The following ANKS1B variants were observed in gnomAD, a reference collection of about 807,000 sequenced individuals.
ANKS1B encodes ankyrin repeat and sterile alpha motif domain containing 1B.
In ANKS1B, 36 loss-of-function variants were observed where a neutral mutation model predicts 148.3. The observed-to-expected ratio is 0.24, with a 90% CI of 0.19 to 0.32. The LOEUF (loss-of-function observed/expected upper bound fraction) is 0.32, where lower values mean the gene tolerates loss of function less well. ANKS1B is among the 10% of genes least tolerant of loss of function. The pLI is 1.00. For synonymous variants in ANKS1B, 542 were observed against 560.8 expected, an observed-to-expected ratio of 0.97 and a Z score of 0.47; for missense variants, 1,157 against 1,542.6, an observed-to-expected ratio of 0.75 and a Z score of 4.19.
chr12:99,340,965 T>G (rs2089817848), intron 12 of ANKS1B, among the ~76,000 whole-genome samples: 1 of 152,154 alleles, frequency 6.6e-6, no homozygotes, highest in Non-Finnish European at 1.5e-5. Flanking sequence ...ATTAGCAACT[T>G]AATCGAGCGC....
chr12:99,114,003 A>G (rs1042101251), intron 15 of ANKS1B, among the ~76,000 whole-genome samples: 5 of 152,128 alleles, frequency 3.3e-5, no homozygotes, highest in African/African-American at 1.2e-4. Context: ...TTCTTCCTGT[A>G]TTCCTAGTTA....
intron 9 of ANKS1B, among the ~76,000 whole-genome samples, chr12:99,650,274 C>T (rs2098409596): frequency 6.6e-6 from 1 of 151,422 alleles, no homozygotes; most frequent in South Asian, 2.1e-4. Context: ...AATGAGAACC[C>T]AGGAATACAC....
chr12:98,869,707 G>T (rs2099643500), intron 17 of ANKS1B, among the ~76,000 whole-genome samples: 1 of 69,320 alleles, frequency 1.4e-5, no homozygotes, highest in African/African-American at 7.4e-5. Context: ...GTGTATGTGT[G>T]TATATATATG....
intron 12 of ANKS1B, among the ~76,000 whole-genome samples, chr12:99,337,841 G>A (rs989222495): frequency 1.3e-5 from 2 of 152,174 alleles, no homozygotes; most frequent in Non-Finnish European, 2.9e-5. Flanking sequence ...ATAGAATTTT[G>A]TTGTCTTCTT....
intron 9 of ANKS1B, among the ~76,000 whole-genome samples, chr12:99,516,668 T>A (rs887605457): frequency 2.0e-5 from 3 of 151,994 alleles, no homozygotes; most frequent in Admixed American, 1.3e-4. Flanking sequence ...GGTGGATAGG[T>A]GCAGCAAACC....
At chr12:99,497,114 C>T (rs150674707) in intron 10 of ANKS1B, among the ~76,000 whole-genome samples, 1 of 152,166 alleles carries the variant, frequency 6.6e-6, no homozygotes, top group African/African-American at 2.4e-5. Context: ...CCCAAATCTA[C>T]GGATGCTTAA....
intron 12 of ANKS1B, among the ~76,000 whole-genome samples, chr12:99,260,429 A>C (rs903787970): frequency 6.6e-6 from 1 of 152,214 alleles, no homozygotes; most frequent in Admixed American, 6.5e-5. Flanking sequence ...CTATTCCTGT[A>C]AGCAATGAAC....
At chr12:98,761,970 G>T (rs1256586136) in intron 25 of ANKS1B, among the ~76,000 whole-genome samples, 2 of 152,172 alleles carry the variant, frequency 1.3e-5, no homozygotes, top group Non-Finnish European at 2.9e-5. Flanking sequence ...GGAATGGAAT[G>T]AACAAATGTA....
chr12:99,948,791 T>C (rs1156346179), intron 1 of ANKS1B, among the ~76,000 whole-genome samples: 1 of 152,170 alleles, frequency 6.6e-6, no homozygotes, highest in African/African-American at 2.4e-5. Context: ...AATACAAAAT[T>C]TCTCTAATTT....
intron 17 of ANKS1B, among the ~76,000 whole-genome samples, chr12:98,874,561 TG>T (rs1171461757): frequency 6.6e-6 from 1 of 152,132 alleles, no homozygotes; most frequent in East Asian, 1.9e-4. Flanking sequence ...AGGCTCCTGT[TG>T]TTTGGGGTGG....
At chr12:99,436,337 A>G (rs572797387) in intron 11 of ANKS1B, among the ~76,000 whole-genome samples, 5 of 152,208 alleles carry the variant, frequency 3.3e-5, no homozygotes, top group African/African-American at 1.2e-4. Context: ...ATAAGGAAAA[A>G]TATACCTACC....
At chr12:99,755,523 C>T (rs1481732187) in intron 8 of ANKS1B, among the ~76,000 whole-genome samples, 1 of 150,202 alleles carries the variant, frequency 6.7e-6, no homozygotes, top group African/African-American at 2.5e-5. Flanking sequence ...GATACCAAAA[C>T]CTGGCAAAGA....
rs760605944 is a variant in ANKS1B, at chr12:98,745,726, A to T, written c.*13T>A. Reference sequence around the variant, plus strand: ...GCGAGCAAGGCACCGCGAGGACAGGAGGACGGCGAGTATCAGAAAATCGTG... The same window carrying T: ...GCGAGCAAGGCACCGCGAGGACAGGTGGACGGCGAGTATCAGAAAATCGTG... On this transcript the variant is annotated 3_prime_UTR_variant, in exon 27 of 27. Transcript: ENST00000683438. The T allele has an allele frequency of 6.2e-7, 1 of 1,612,864 alleles. No individual in the cohort carries two copies. The highest frequency in any genetic ancestry group is 8.5e-7 in the Non-Finnish European group (1 of 1,179,348).
intron 4 of ANKS1B, among the ~76,000 whole-genome samples, chr12:99,791,467 C>T (rs1052592727): frequency 1.3e-5 from 2 of 151,912 alleles, no homozygotes; most frequent in Non-Finnish European, 2.9e-5. Context: ...TTCTTCTCCT[C>T]AGCACATGGA....
chr12:98,794,020 A>G (rs970904657), intron 22 of ANKS1B, among the ~76,000 whole-genome samples: 8 of 152,222 alleles, frequency 5.3e-5, no homozygotes, highest in African/African-American at 1.9e-4. Flanking sequence ...CATAACAACA[A>G]CAACAAACCC....
At chr12:98,792,682 G>A (rs1253955828) in intron 22 of ANKS1B, among the ~76,000 whole-genome samples, 1 of 152,052 alleles carries the variant, frequency 6.6e-6, no homozygotes, top group Non-Finnish European at 1.5e-5. Flanking sequence ...TAGATTCCAT[G>A]TATGAGTGAA....
At chr12:98,969,849 C>A (rs1355042638) in intron 17 of ANKS1B, among the ~76,000 whole-genome samples, 1 of 152,192 alleles carries the variant, frequency 6.6e-6, no homozygotes, top group Non-Finnish European at 1.5e-5. Context: ...TACTCCACGA[C>A]CCAGGCTCAT....
intron 15 of ANKS1B, among the ~76,000 whole-genome samples, chr12:99,088,771 A>C (rs1320831696): frequency 6.7e-6 from 1 of 149,600 alleles, no homozygotes. Context: ...CTTCCTAGGG[A>C]GCTGGAATTA....
At chr12:99,597,770 T>C (rs965325065) in intron 9 of ANKS1B, among the ~76,000 whole-genome samples, 1 of 151,998 alleles carries the variant, frequency 6.6e-6, no homozygotes, top group African/African-American at 2.4e-5. Flanking sequence ...AAACATCGAA[T>C]GGCGCCTATA....
Sources: gnomAD v4.1 joint callset for allele counts (sites outside exome capture counted in the v4.1 genomes callset) on GRCh38, gnomAD v4.1.1 for gene constraint, MANE v1.5 for transcripts, NCBI Gene and HGNC (gene_info 2026-07-23, HGNC 2026-07-21) for gene names.